The following PPP3CC variants were observed in gnomAD, a reference collection of about 807,000 sequenced individuals.
PPP3CC encodes the protein serine/threonine-protein phosphatase 2B catalytic subunit gamma isoform.
Under a neutral mutation model 60.3 loss-of-function variants are expected in PPP3CC, and 35 were observed. The observed-to-expected ratio is 0.58, with a 90% CI of 0.44 to 0.77. The LOEUF is 0.77. Ranked by LOEUF, PPP3CC falls within the 30% of genes least tolerant of loss-of-function variation. The probability of loss-of-function intolerance (pLI) is 0.00; values close to 1 mark genes in which losing one functional copy is unlikely to be tolerated. For missense variants in PPP3CC, 570 were observed against 628.9 expected (o/e 0.91, Z 1.00); for synonymous variants, 206 against 224.3 (o/e 0.92, Z 0.73).
At chr8:22,512,267 C>T (rs922563082) in intron 5 of PPP3CC, among the ~76,000 whole-genome samples, 3 of 152,184 alleles carry the variant, frequency 2.0e-5, no homozygotes, top group Non-Finnish European at 2.9e-5. Flanking sequence ...TTCCTCTTGC[C>T]TTACTGTCTT....
intron 1 of PPP3CC, among the ~76,000 whole-genome samples, chr8:22,469,853 T>G (rs1837661594): frequency 6.6e-6 from 1 of 152,010 alleles, no homozygotes; most frequent in Non-Finnish European, 1.5e-5. Context: ...TGATAGATAA[T>G]AAGTGATTAT....
intron 3 of PPP3CC, among the ~76,000 whole-genome samples, chr8:22,489,711 A>T (rs1398163427): frequency 7.2e-6 from 1 of 138,270 alleles, no homozygotes; most frequent in African/African-American, 2.7e-5. Flanking sequence ...TATTATATAT[A>T]AGTATATATT....
At chr8:22,464,599 C>G (rs1031856200) in intron 1 of PPP3CC, among the ~76,000 whole-genome samples, 1 of 152,146 alleles carries the variant, frequency 6.6e-6, no homozygotes. Context: ...GCAGGCTGGT[C>G]TCGAACTCCT....
At chr8:22,509,398 T>C (rs1366158791) in intron 4 of PPP3CC, among the ~76,000 whole-genome samples, 1 of 152,230 alleles carries the variant, frequency 6.6e-6, no homozygotes, top group Admixed American at 6.5e-5. Context: ...CCACCTCATC[T>C]TCCCAGAATC....
chr8:22,508,349 AAT>A (rs1838986790), intron 4 of PPP3CC, among the ~76,000 whole-genome samples: 1 of 152,190 alleles, frequency 6.6e-6, no homozygotes, highest in South Asian at 2.1e-4. Flanking sequence ...AACTAAGAAA[AAT>A]ATAGATACCA....
At chr8:22,514,199 G>C (rs1427914835) in intron 6 of PPP3CC, among the ~76,000 whole-genome samples, 1 of 129,646 alleles carries the variant, frequency 7.7e-6, no homozygotes, top group Non-Finnish European at 1.5e-5. Flanking sequence ...AGTGAGCCAA[G>C]ATTGTGCCAC....
intron 3 of PPP3CC, among the ~76,000 whole-genome samples, chr8:22,490,769 C>A (rs967637787): frequency 1.3e-5 from 2 of 152,136 alleles, no homozygotes; most frequent in African/African-American, 2.4e-5. Context: ...CATGTCCCTA[C>A]AAAGGACATG....
intron 3 of PPP3CC, among the ~76,000 whole-genome samples, chr8:22,483,372 C>G (rs538355555): frequency 2.9e-4 from 44 of 152,140 alleles, no homozygotes; most frequent in Admixed American, 1.2e-3. Flanking sequence ...CTGCAGGCTC[C>G]GCCTCCAGGG....
intron 4 of PPP3CC, 142 bp from the exon 5 acceptor site, chr8:22,510,944 A>C (rs1272500447): frequency 1.1e-6 from 1 of 921,868 alleles, no homozygotes; most frequent in East Asian, 2.5e-5. Flanking sequence ...ACTTTTCAAA[A>C]GTATCTTTAC....
Position 22,540,774 on chromosome 8 carries a change from G to T in PPP3CC, c.1511G>T (p.Ser504Ile). Residue 504 changes from serine (S) to isoleucine (I), a missense_variant, in exon 14 of 14, where the codon AGC becomes ATC. Coordinates refer to ENST00000240139, the MANE Select transcript of PPP3CC (RefSeq NM_005605.5). ...GCACACTCACATGCTGCGCACAGGA[G>T]CGACCAAGGGAAGAAAGCCCATTCA... is the stretch of plus-strand genomic sequence containing the variant. ...TSAHSHAAHRSDQGKKAHS is the reference protein window; with the variant it reads ...TSAHSHAAHRIDQGKKAHS 6.2e-7 allele frequency: 1 copy of T among 1,612,826 alleles called. No individual in the cohort carries two copies. Among genetic ancestry groups the T allele is most frequent in the Non-Finnish European group, 8.5e-7 (1 of 1,179,440 alleles).
chr8:22,478,345 T>A (rs1837961409), intron 3 of PPP3CC, among the ~76,000 whole-genome samples: 1 of 151,640 alleles, frequency 6.6e-6, no homozygotes, highest in South Asian at 2.1e-4. Flanking sequence ...AGAGATGGGG[T>A]TTCACCATCT....
At chr8:22,495,164 G>T (rs1838528973) in intron 3 of PPP3CC, among the ~76,000 whole-genome samples, 1 of 152,144 alleles carries the variant, frequency 6.6e-6, no homozygotes, top group African/African-American at 2.4e-5. Context: ...GCCCAGGTTG[G>T]TCTTAAACTC....
At chr8:22,502,013 T>A (rs1194970426) in intron 4 of PPP3CC, among the ~76,000 whole-genome samples, 1 of 151,786 alleles carries the variant, frequency 6.6e-6, no homozygotes, top group Non-Finnish European at 1.5e-5. Context: ...GGTGACAGAG[T>A]GAGACCCTGT....
At chr8:22,448,064 T>C (rs1169561081) in intron 1 of PPP3CC, among the ~76,000 whole-genome samples, 1 of 152,262 alleles carries the variant, frequency 6.6e-6, no homozygotes, top group East Asian at 1.9e-4. Flanking sequence ...CATTCAGTAA[T>C]TACCTATGTA....
intron 3 of PPP3CC, among the ~76,000 whole-genome samples, chr8:22,495,945 A>G (rs1255228891): frequency 6.6e-6 from 1 of 152,126 alleles, no homozygotes; most frequent in African/African-American, 2.4e-5. Context: ...GTTCTTACCT[A>G]CACCAAATTT....
At position 22,539,462 on chromosome 8, in the gene PPP3CC, C is replaced by G. The variant is rs1348635428; in HGVS notation, c.1322-7C>G. ...TTTTGCATGCTACTGCTCCTGCCCT[C>G]TTACAGCCACAGTAGAAGCGGTAGA... On this transcript the variant is annotated splice_polypyrimidine_tract_variant and splice_region_variant and intron_variant, in intron 12 of 13. Coordinates refer to ENST00000240139, the MANE Select transcript of PPP3CC (RefSeq NM_005605.5). 4.3e-6 allele frequency: 7 copies of G among 1,613,904 alleles called. No homozygotes were observed. The highest frequency in any genetic ancestry group is 1.3e-5 in the African/African-American group (1 of 74,922).
At chr8:22,495,529 GT>G (rs985796679) in intron 3 of PPP3CC, among the ~76,000 whole-genome samples, 1 of 151,750 alleles carries the variant, frequency 6.6e-6, no homozygotes, top group Non-Finnish European at 1.5e-5. Flanking sequence ...TGGCCAAATT[GT>G]TTTTTTACTA....
intron 3 of PPP3CC, among the ~76,000 whole-genome samples, chr8:22,494,867 A>C (rs1838516602): frequency 1.3e-5 from 2 of 152,182 alleles, no homozygotes; most frequent in African/African-American, 4.8e-5. Flanking sequence ...TTTATGTACA[A>C]AGTAGATACA....
intron 12 of PPP3CC, among the ~76,000 whole-genome samples, chr8:22,533,559 T>C (rs963762678): frequency 5.9e-5 from 9 of 152,256 alleles, no homozygotes; most frequent in Non-Finnish European, 1.0e-4. Flanking sequence ...GCACAGTGGC[T>C]CACGCCTGTA....
Sources: allele counts gnomAD v4.1 joint callset (sites outside exome capture counted in the v4.1 genomes callset), GRCh38; gene constraint gnomAD v4.1.1; transcripts MANE v1.5; gene names NCBI Gene and HGNC (gene_info 2026-07-23, HGNC 2026-07-21).